The following NFIC variants were observed in gnomAD, a reference collection of about 807,000 sequenced individuals.
NFIC encodes nuclear factor 1 C-type.
A neutral mutation model predicts 54.4 loss-of-function variants in NFIC; 12 were observed. That is an observed-to-expected ratio of 0.22 (90% CI 0.14 to 0.36). The LOEUF (loss-of-function observed/expected upper bound fraction) is 0.36. Among genes scored for constraint, NFIC ranks in the 10% least tolerant of loss-of-function variants. The probability of loss-of-function intolerance (pLI) is 1.00; values close to 1 mark genes in which losing one functional copy is unlikely to be tolerated. For missense variants in NFIC, 575 were observed against 718.2 expected (o/e 0.80, Z 2.28); for synonymous variants, 322 against 319.2 (o/e 1.01, Z -0.09).
rs189392307 is a variant in NFIC at position 3,463,534 on chromosome 19, C to G, written c.*765C>G. 0.033 allele frequency: 32,285 copies of G among 985,226 alleles called. 567 individuals are homozygous for G. The highest frequency in any genetic ancestry group is 0.036 in the Non-Finnish European group (29,990 of 829,886). The allele number at this position is 985,226 out of a possible 1,614,324, so 61.0% of individuals were successfully genotyped here. A position where few individuals can be genotyped will look rare whatever the true frequency, so the allele number is the denominator to read the frequency against. On this transcript the variant is annotated 3_prime_UTR_variant, in exon 11 of 11. Coordinates refer to ENST00000443272, the MANE Select transcript of NFIC (RefSeq NM_001245002.2). ...CTCCCCACAAGCCCCTCCCAAAGCGCCGGCCGACTCGCTGTCTCGCTGGGG... is the reference window on the plus strand; with the variant it reads ...CTCCCCACAAGCCCCTCCCAAAGCGGCGGCCGACTCGCTGTCTCGCTGGGG...
At chr19:3,427,027 C>T (rs1012604567) in intron 3 of NFIC, among the ~76,000 whole-genome samples, 8 of 151,364 alleles carry the variant, frequency 5.3e-5, no homozygotes, top group African/African-American at 1.2e-4. Flanking sequence ...CCTAGGTTCA[C>T]GCCATTCTCC....
intron 1 of NFIC, among the ~76,000 whole-genome samples, chr19:3,371,757 G>A (rs1177922377): frequency 6.6e-6 from 1 of 151,974 alleles, no homozygotes; most frequent in Non-Finnish European, 1.5e-5. Context: ...GTGTATTTGC[G>A]CAGCGTAAGC....
chr19:3,362,592 C>T (rs1818571050), upstream of NFIC, among the ~76,000 whole-genome samples: 2 of 151,446 alleles, frequency 1.3e-5, no homozygotes, highest in East Asian at 1.9e-4. Context: ...TGAGTCTGCA[C>T]GATGTGTGTC....
chr19:3,423,552 G>A (rs1232794841), intron 2 of NFIC, among the ~76,000 whole-genome samples: 1 of 152,084 alleles, frequency 6.6e-6, no homozygotes, highest in East Asian at 1.9e-4. Context: ...GCCTGGCTGG[G>A]CTTGTCCACC....
intron 2 of NFIC, among the ~76,000 whole-genome samples, chr19:3,391,260 C>T (rs1442895589): frequency 6.6e-6 from 1 of 151,696 alleles, no homozygotes; most frequent in Non-Finnish European, 1.5e-5. Flanking sequence ...AAACCAGAAC[C>T]ACCCCCACCA....
At chr19:3,382,987 C>T (rs944202238) in intron 2 of NFIC, among the ~76,000 whole-genome samples, 1 of 150,232 alleles carries the variant, frequency 6.7e-6, no homozygotes, top group East Asian at 2.0e-4. Flanking sequence ...ATGGTAGAGG[C>T]AGGATCTCAC....
chr19:3,405,176 A>G (rs917044125), intron 2 of NFIC, among the ~76,000 whole-genome samples: 31 of 152,218 alleles, frequency 2.0e-4, no homozygotes, highest in Non-Finnish European at 1.0e-4. Flanking sequence ...GATGGAAAGT[A>G]TGGGCCAGAC....
chr19:3,399,509 G>C (rs1470183641), intron 2 of NFIC, among the ~76,000 whole-genome samples: 1 of 152,146 alleles, frequency 6.6e-6, no homozygotes, highest in Non-Finnish European at 1.5e-5. Flanking sequence ...CTGGGAGGTT[G>C]AGGCTGCAGT....
In NFIC at chr19:3,402,331, G is replaced by A. The variant is rs1418435177; in HGVS notation, c.562+20088G>A. 2.0e-5 allele frequency among the ~76,000 whole-genome samples: 3 copies of A among 152,188 alleles called. No homozygotes were observed. In the East Asian group the frequency reaches 5.8e-4, roughly 29 times the overall value. On this transcript the variant is annotated intron_variant, in intron 2 of 10. Transcript: ENST00000443272. ...TCCCACAGTGCTGGGATTACAGGCTGGAGCCACTGCGCCCAGACGGTCCTT... is the reference window on the plus strand; with the variant it reads ...TCCCACAGTGCTGGGATTACAGGCTAGAGCCACTGCGCCCAGACGGTCCTT...
chr19:3,390,402 C>G (rs2081359484), intron 2 of NFIC, among the ~76,000 whole-genome samples: 1 of 152,118 alleles, frequency 6.6e-6, no homozygotes, highest in Non-Finnish European at 1.5e-5. Flanking sequence ...GCTCCCACAG[C>G]AGACAAGAGC....
At chr19:3,401,650 G>A (rs368307968) in intron 2 of NFIC, among the ~76,000 whole-genome samples, 7 of 152,306 alleles carry the variant, frequency 4.6e-5, no homozygotes, top group South Asian at 2.1e-4. Flanking sequence ...CGGGAGGCCC[G>A]TGGGGCTCTG....
rs951248032 is a variant in NFIC, at chr19:3,465,068, G to T, written c.*2299G>T. 6 of 150,618 alleles carry T rather than the reference G, an allele frequency of 4.0e-5. No homozygotes were observed. Among genetic ancestry groups the T allele is most frequent in the Non-Finnish European group, 3.0e-5 (2 of 67,790 alleles). 9.3% of individuals were successfully genotyped at this position (150,618 alleles called of 1,614,324 possible). A position where few individuals can be genotyped will look rare whatever the true frequency, so the allele number is the denominator to read the frequency against. On this transcript the variant is annotated 3_prime_UTR_variant, in exon 11 of 11. Coordinates refer to ENST00000443272, the MANE Select transcript of NFIC (RefSeq NM_001245002.2). Reference sequence around the variant, plus strand: ...TGCGACCTGGCTCCCGAGGTCAGCTGGCGGCGCTGACACACATGCATGGCA... The same window carrying T: ...TGCGACCTGGCTCCCGAGGTCAGCTTGCGGCGCTGACACACATGCATGGCA...
intron 2 of NFIC, among the ~76,000 whole-genome samples, chr19:3,388,658 C>CA (rs138142169): frequency 0.027 from 4,139 of 151,314 alleles, 196 homozygotes; most frequent in African/African-American, 0.095. Flanking sequence ...CCATGCCCCC[C>CA]CCCAACAAAA....
chr19:3,392,177 T>C (rs547651738), intron 2 of NFIC, among the ~76,000 whole-genome samples: 1 of 150,162 alleles, frequency 6.7e-6, no homozygotes, highest in East Asian at 2.0e-4. Flanking sequence ...GTTCAAGTGA[T>C]TCTCCTGCCT....
intron 9 of NFIC, chr19:3,454,240 G>A (rs985335151): frequency 4.8e-5 from 56 of 1,175,250 alleles, no homozygotes; most frequent in African/African-American, 1.6e-4. Flanking sequence ...CAGTGGACAC[G>A]GATCTCACAG....
At position 3,394,523 on chromosome 19, in the gene NFIC, A is replaced by AC. The variant is rs1387633539; in HGVS notation, c.562+12286dup. Among the ~76,000 whole-genome samples, 320 of 51,094 alleles carry AC rather than the reference A, an allele frequency of 6.3e-3. 12 individuals carry two copies. The highest frequency in any genetic ancestry group is 0.06 in the East Asian group (63 of 1,050). The allele number at this position is 51,094 out of a possible 152,430, so 33.5% of individuals were successfully genotyped here. Reference sequence around the variant, plus strand: ...GTATTTTATGATCTTTTCCCCACCCACCCCCCACCCGCTTACACTAAGTCT... The same window carrying AC: ...GTATTTTATGATCTTTTCCCCACCCACCCCCCCACCCGCTTACACTAAGTCT... On this transcript the variant is annotated intron_variant, in intron 2 of 10. Transcript: ENST00000443272.
At position 3,464,261 on chromosome 19, in the gene NFIC, G is replaced by A; in HGVS notation, c.*1492G>A. The A allele has an allele frequency of 2.0e-6, 2 of 985,364 alleles. No homozygotes were observed. Among genetic ancestry groups the A allele is most frequent in the Non-Finnish European group, 2.4e-6 (2 of 829,904 alleles). The allele number at this position is 985,364 out of a possible 1,614,324, so 61.0% of individuals were successfully genotyped here. A position where few individuals can be genotyped will look rare whatever the true frequency, so the allele number is the denominator to read the frequency against. On this transcript the variant is annotated 3_prime_UTR_variant, in exon 11 of 11. Transcript: ENST00000443272. The stretch of plus-strand genomic sequence containing the variant: ...AGGCCGACGCCAGCGGTCCCCGCTC[G>A]GAACGGGGAGGGTTTTCGGGGGGTT...
chr19:3,366,723 C>G (rs1313756515), intron 1 of NFIC, 57 bp downstream of exon 1: 86 of 1,263,264 alleles, frequency 6.8e-5, no homozygotes, highest in Non-Finnish European at 8.8e-5. Flanking sequence ...ATCCCAGCCC[C>G]GGAGTTTTGA....
At chr19:3,380,033 C>T (rs2081175482) in intron 1 of NFIC, among the ~76,000 whole-genome samples, 1 of 151,356 alleles carries the variant, frequency 6.6e-6, no homozygotes, top group Admixed American at 6.6e-5. Context: ...TGGAGTCTTG[C>T]TCTGTCGCCC....
Sources: gnomAD v4.1 joint callset for allele counts (sites outside exome capture counted in the v4.1 genomes callset) on GRCh38, gnomAD v4.1.1 for gene constraint, MANE v1.5 for transcripts, NCBI Gene and HGNC (gene_info 2026-07-23, HGNC 2026-07-21) for gene names.